Variants in KIAA1549L observed in about 807,000 individuals in gnomAD.
KIAA1549L encodes the protein UPF0606 protein KIAA1549L.
Under a neutral mutation model 160.7 loss-of-function variants are expected in KIAA1549L, and 88 were observed. That is an observed-to-expected ratio of 0.55 (90% CI 0.46 to 0.65). The LOEUF is 0.65. KIAA1549L is among the 30% of genes least tolerant of loss of function. The pLI is 0.00. For synonymous variants in KIAA1549L, 950 were observed against 976.7 expected (o/e 0.97, Z 0.51); for missense variants, 2,258 against 2,437.5 (o/e 0.93, Z 1.55).
At chr11:33,532,635 C>T (rs1225726167) in intron 1 of KIAA1549L, among the ~76,000 whole-genome samples, 2 of 152,180 alleles carry the variant, frequency 1.3e-5, no homozygotes, top group African/African-American at 4.8e-5. Context: ...ATTCTAGGGC[C>T]TGATCAAAAG....
rs754339475 is a variant in KIAA1549L at position 33,543,140 on chromosome 11, T to C, written c.1577T>C (p.Leu526Pro). Residue 526 changes from leucine to proline, a missense_variant, in exon 2 of 21, where the codon CTT becomes CCT. Transcript: ENST00000658780. ...SPSPVPEMPT[L>P]PAEGSDGSPP... ...TCTCCTGTGCCAGAAATGCCCACTC[T>C]TCCAGCAGAGGGCAGTGATGGGTCC... 5.6e-6 allele frequency: 9 copies of C among 1,613,862 alleles called. No homozygotes were observed. Among genetic ancestry groups the C allele is most frequent in the South Asian group, 1.1e-5 (1 of 91,084 alleles).
rs1054982139 is a variant in KIAA1549L, at chr11:33,629,581, G to A, written c.5409+10919G>A. On this transcript the variant is annotated intron_variant, in intron 16 of 20. Coordinates refer to ENST00000658780, the MANE Select transcript of KIAA1549L (RefSeq NM_012194.3). ...ACCCTTTCTTCCAGTTGATCACATCGGCTCCTGAGGCTTCTGCATTCTTCA... is the reference window on the plus strand; with the variant it reads ...ACCCTTTCTTCCAGTTGATCACATCAGCTCCTGAGGCTTCTGCATTCTTCA... 3.8e-4 allele frequency among the ~76,000 whole-genome samples: 57 copies of A among 151,184 alleles called. 1 individual carries two copies. Among genetic ancestry groups the A allele is most frequent in the African/African-American group, 1.0e-3 (42 of 40,986 alleles).
At position 33,618,558 on chromosome 11, in the gene KIAA1549L, A is replaced by T. The variant is rs768474; in HGVS notation, c.5305A>T (p.Arg1769Ter). Residue 1769 changes from arginine (R) to a stop codon, truncating the protein, a stop_gained, in exon 16 of 21, where the codon AGA becomes TGA. Coordinates refer to ENST00000658780, the MANE Select transcript of KIAA1549L (RefSeq NM_012194.3). LOFTEE classifies it high-confidence loss of function. ...GCAACAGATGAAGAACTCTGTCTAC[A>T]GAAGCCGGCAGTCTCTGAACAGCCC... The part of the protein sequence containing the change: ...NRQQMKNSVY[R>*]SRQSLNSPSP... The T allele has an allele frequency of 1.9e-6, 3 of 1,607,774 alleles. No individual in the cohort carries two copies. The highest frequency in any genetic ancestry group is 1.7e-6 in the Non-Finnish European group (2 of 1,175,644).
At chr11:33,397,807 TTAATAA>T (rs1262377205) in intron 1 of KIAA1549L, among the ~76,000 whole-genome samples, 8 of 152,012 alleles carry the variant, frequency 5.3e-5, no homozygotes, top group African/African-American at 1.9e-4. Context: ...AGGTAATCTT[TTAATAA>T]TAATAAAGGA....
intron 1 of KIAA1549L, among the ~76,000 whole-genome samples, chr11:33,389,969 A>G (rs992054050): frequency 6.6e-6 from 1 of 152,254 alleles, no homozygotes; most frequent in African/African-American, 2.4e-5. Flanking sequence ...CCCAGGTGAC[A>G]TATTCGTAAT....
chr11:33,526,290 G>T (rs889821656), intron 1 of KIAA1549L, among the ~76,000 whole-genome samples: 5 of 152,090 alleles, frequency 3.3e-5, no homozygotes, highest in African/African-American at 1.2e-4. Flanking sequence ...TAATTCTACC[G>T]CCTGCAACAT....
chr11:33,445,087 C>T (rs1851584368), intron 1 of KIAA1549L, among the ~76,000 whole-genome samples: 1 of 152,210 alleles, frequency 6.6e-6, no homozygotes, highest in Non-Finnish European at 1.5e-5. Flanking sequence ...ATGGAGAGCG[C>T]AGCACAGTTA....
Position 33,650,714 on chromosome 11 carries a change from G to A in KIAA1549L, c.5760+4678G>A, listed in dbSNP as rs115236226. 4.5e-3 allele frequency among the ~76,000 whole-genome samples: 684 copies of A among 152,148 alleles called. 7 individuals are homozygous for A. The highest frequency in any genetic ancestry group is 0.016 in the African/African-American group (662 of 41,500). ...TTCAGGTGAGCTCACTCTGTCCCTT[G>A]CTCTGTCATTCTCTTGCTCAAGCAC... On this transcript the variant is annotated intron_variant, in intron 17 of 20. Coordinates refer to ENST00000658780, the MANE Select transcript of KIAA1549L (RefSeq NM_012194.3).
rs191238327 is a variant in KIAA1549L at position 33,466,968 on chromosome 11, G to A, written c.239-74834G>A. On this transcript the variant is annotated intron_variant, in intron 1 of 20. Coordinates refer to ENST00000658780, the MANE Select transcript of KIAA1549L (RefSeq NM_012194.3). ...GGAACATCACACACTGGGGCCTGTT[G>A]GGGGGTGGGGGGTTGGGGCAGGGAT... 9.3e-3 allele frequency among the ~76,000 whole-genome samples: 1,398 copies of A among 150,782 alleles called. 7 individuals are homozygous for A. The highest frequency in any genetic ancestry group is 0.015 in the Non-Finnish European group (1,039 of 67,636).
chr11:33,493,230 C>G (rs1019132015), intron 1 of KIAA1549L, among the ~76,000 whole-genome samples: 2 of 152,038 alleles, frequency 1.3e-5, no homozygotes, highest in Non-Finnish European at 1.5e-5. Flanking sequence ...AGGAGGGGCT[C>G]CAACCCTCAT....
intron 9 of KIAA1549L, among the ~76,000 whole-genome samples, chr11:33,573,941 AAAC>A (rs1453795995): frequency 2.4e-4 from 37 of 152,350 alleles, no homozygotes; most frequent in African/African-American, 8.2e-4. Flanking sequence ...ATGTAAAAAT[AAAC>A]GTTTATGCTT....
At chr11:33,563,190 C>G (rs1854927483) in intron 8 of KIAA1549L, among the ~76,000 whole-genome samples, 1 of 149,418 alleles carries the variant, frequency 6.7e-6, no homozygotes, top group Non-Finnish European at 1.5e-5. Flanking sequence ...AGTAAAAATA[C>G]AAAAAAAAAT....
chr11:33,479,951 A>G (rs1295649072), intron 1 of KIAA1549L, among the ~76,000 whole-genome samples: 1 of 152,170 alleles, frequency 6.6e-6, no homozygotes, highest in Non-Finnish European at 1.5e-5. Flanking sequence ...ACTGAGCTGT[A>G]AGAGACAGCC....
chr11:33,583,265 G>A (rs1855700769), intron 10 of KIAA1549L, 73 bp from the exon 11 acceptor site: 1 of 1,407,140 alleles, frequency 7.1e-7, no homozygotes, highest in Non-Finnish European at 9.7e-7. Context: ...ACTGGGGTGG[G>A]GGGTTATGTC....
intron 20 of KIAA1549L, among the ~76,000 whole-genome samples, chr11:33,667,032 A>T (rs866434537): frequency 6.6e-6 from 1 of 152,164 alleles, no homozygotes; most frequent in Non-Finnish European, 1.5e-5. Flanking sequence ...TTGTACTTAT[A>T]TGAATAAGGT....
chr11:33,427,129 C>T (rs1385083757), intron 1 of KIAA1549L, among the ~76,000 whole-genome samples: 1 of 152,154 alleles, frequency 6.6e-6, no homozygotes, highest in East Asian at 1.9e-4. Flanking sequence ...TCAAGTGGGC[C>T]TTTGGTGCTG....
rs747958698 is a variant in KIAA1549L, at chr11:33,561,715, G to A, written c.4058G>A (p.Arg1353Lys). The change falls in exon 8 of 21, where the codon AGA becomes AAA. Residue 1353 changes from arginine (R) to lysine (K), a missense_variant. Transcript: ENST00000658780. ...YPNLDISETT[R>K]DYWVITVLQG... Reference sequence around the variant, plus strand: ...AACCTTGACATATCAGAAACAACCAGAGACTATTGGGTAATTACAGGTAAT... The same window carrying A: ...AACCTTGACATATCAGAAACAACCAAAGACTATTGGGTAATTACAGGTAAT... 1 of 1,608,224 alleles carries A rather than the reference G, an allele frequency of 6.2e-7. No homozygotes were observed. Among genetic ancestry groups the A allele is most frequent in the East Asian group, 2.2e-5 (1 of 44,836 alleles).
intron 13 of KIAA1549L, among the ~76,000 whole-genome samples, chr11:33,603,354 G>A (rs1344649589): frequency 7.2e-5 from 11 of 151,966 alleles, no homozygotes. Context: ...GGGTAATGAA[G>A]GGGGGATTAG....
At chr11:33,483,067 T>A (rs1173193660) in intron 1 of KIAA1549L, among the ~76,000 whole-genome samples, 1 of 151,972 alleles carries the variant, frequency 6.6e-6, no homozygotes, top group Non-Finnish European at 1.5e-5. Flanking sequence ...TCATTTTCTC[T>A]CCTCCTTTTC....
Sources: allele counts gnomAD v4.1 joint callset (sites outside exome capture counted in the v4.1 genomes callset), GRCh38; gene constraint gnomAD v4.1.1; transcripts MANE v1.5; gene names NCBI Gene and HGNC (gene_info 2026-07-23, HGNC 2026-07-21).